The following ZNF425 variants were observed in gnomAD, a reference collection of about 807,000 sequenced individuals.
The protein encoded by ZNF425 is zinc finger protein 425.
A neutral mutation model predicts 17.0 loss-of-function variants in ZNF425; 21 were observed. The observed-to-expected ratio is 1.23, with a 90% CI of 0.88 to 1.78. The LOEUF is 1.78. ZNF425 is among the 40% of genes most tolerant of loss of function. The probability of loss-of-function intolerance (pLI) is 0.00; values close to 1 mark genes in which losing one functional copy is unlikely to be tolerated. For missense variants in ZNF425, 868 were observed against 967.3 expected, an observed-to-expected ratio of 0.90 and a Z score of 1.36; for synonymous variants, 433 against 384.1, an observed-to-expected ratio of 1.13 and a Z score of -1.49.
At position 149,105,644 on chromosome 7, in the gene ZNF425, T is replaced by TTTA. The variant is rs60932851; in HGVS notation, c.305-81_305-79dup. 10,264 of 925,536 alleles carry TTTA rather than the reference T, an allele frequency of 0.011. 802 individuals are homozygous for TTTA. The African/African-American group carries it at 0.16, about 15-fold the overall frequency. 57.3% of individuals were successfully genotyped at this position (925,536 alleles called of 1,614,324 possible). Reference sequence around the variant, plus strand: ...GGGTTCAAGGACTGTCTTTTAAAAATTTATTATTATTATTATTATTTTTTG... The same window carrying TTTA: ...GGGTTCAAGGACTGTCTTTTAAAAATTTATTATTATTATTATTATTATTTTTTG... On this transcript the variant is annotated intron_variant, in intron 3 of 3. Coordinates refer to ENST00000378061, the MANE Select transcript of ZNF425 (RefSeq NM_001001661.3).
chr7:149,109,081 CTTTTTTTTTTTT>C (rs774851748), intron 3 of ZNF425, among the ~76,000 whole-genome samples: 1 of 138,816 alleles, frequency 7.2e-6, no homozygotes, highest in Non-Finnish European at 1.6e-5. Context: ...TTTTTTCTTT[CTTTTTTTTTTTT>C]TTTGAAACGG....
At chr7:149,118,702 T>C (rs6968825) in intron 1 of ZNF425, 6,310 of 372,378 alleles carry the variant, frequency 0.017, 371 homozygotes, top group African/African-American at 0.12. Flanking sequence ...GTAGTCCCAG[T>C]TACTCAGGAA....
chr7:149,115,191 C>T (rs867729292), intron 2 of ZNF425, among the ~76,000 whole-genome samples: 2 of 144,852 alleles, frequency 1.4e-5, no homozygotes, highest in South Asian at 4.5e-4. Context: ...CTCAAGTGAT[C>T]TGTCCGCCTC....
chr7:149,110,221 G>A (rs946176913), intron 3 of ZNF425, among the ~76,000 whole-genome samples: 3 of 151,704 alleles, frequency 2.0e-5, no homozygotes, highest in South Asian at 2.1e-4. Flanking sequence ...ACACTTCCTG[G>A]CCTCAAAGTC....
In ZNF425 at chr7:149,104,888, T is replaced by G. The variant is rs368050204; in HGVS notation, c.983A>C (p.Lys328Thr). The change falls in exon 4 of 4, where the codon AAG (lysine) becomes ACG (threonine). Residue 328 changes from lysine to threonine, a missense_variant. This residue lies in a region of ZNF425 where 243 missense variants were observed against 265.2 expected (regional missense o/e 0.92). Coordinates refer to ENST00000378061, the MANE Select transcript of ZNF425 (RefSeq NM_001001661.3). The surrounding 1 kb of genome is among the most constrained non-coding windows in gnomAD (Gnocchi z 4.3). Reference sequence around the variant, plus strand: ...GTCACACTGCGGACACTGGAAGGGCTTCTCTCCGCTGTGCAGCCGCAAGTG... The same window carrying G: ...GTCACACTGCGGACACTGGAAGGGCGTCTCTCCGCTGTGCAGCCGCAAGTG... ...TEHLRLHSGEKPFQCPQCDRC... is the reference protein window; with the variant it reads ...TEHLRLHSGETPFQCPQCDRC... The G allele has an allele frequency of 1.3e-4, 203 of 1,613,626 alleles. No homozygotes were observed. Among genetic ancestry groups the G allele is most frequent in the Non-Finnish European group, 1.6e-4 (185 of 1,179,930 alleles).
chr7:149,120,074 G>A (rs1361582250), intron 1 of ZNF425, among the ~76,000 whole-genome samples: 1 of 152,018 alleles, frequency 6.6e-6, no homozygotes, highest in Non-Finnish European at 1.5e-5. Flanking sequence ...TCACAACCAC[G>A]AATCTATTAT....
chr7:149,126,169 C>A (rs766301514), intron 1 of ZNF425, 27 bp downstream of exon 1: 2 of 1,613,238 alleles, frequency 1.2e-6, no homozygotes, highest in Non-Finnish European at 8.5e-7. Flanking sequence ...TTCGACAGAG[C>A]CTGCATCCTC....
At chr7:149,122,155 T>C (rs1826367652) in intron 1 of ZNF425, among the ~76,000 whole-genome samples, 1 of 149,740 alleles carries the variant, frequency 6.7e-6, no homozygotes, top group African/African-American at 2.5e-5. Flanking sequence ...ATGGTCTCGA[T>C]CTCCTGACCT....
At chr7:149,109,277 C>T (rs1826135447) in intron 3 of ZNF425, among the ~76,000 whole-genome samples, 1 of 151,988 alleles carries the variant, frequency 6.6e-6, no homozygotes, top group Non-Finnish European at 1.5e-5. Context: ...AGGGGTTTCA[C>T]CATGTTAGCC....
rs1289699633 is a variant in ZNF425 at position 149,118,280 on chromosome 7, C to A, written c.87G>T (p.Trp29Cys). 1 of 1,614,062 alleles carries A rather than the reference C, an allele frequency of 6.2e-7. No homozygotes were observed. The highest frequency in any genetic ancestry group is 2.2e-5 in the East Asian group (1 of 44,872). ...TCTCTTGCTTATACATTTGCTTCTG[C>A]CACTTCTCCAGGATCTCCCACTCTT... ...SEQEWEILEK[W>C]QKQMYKQEMK... Residue 29 changes from tryptophan to cysteine, a missense_variant, in exon 2 of 4, where the codon TGG (tryptophan) becomes TGT (cysteine). This residue lies in a region of ZNF425 where 179 missense variants were observed against 216.3 expected (regional missense o/e 0.83). Transcript: ENST00000378061.
chr7:149,111,375 A>G (rs1296042708), intron 3 of ZNF425, among the ~76,000 whole-genome samples: 1 of 151,326 alleles, frequency 6.6e-6, no homozygotes, highest in Non-Finnish European at 1.5e-5. Flanking sequence ...ATGGATCACA[A>G]GGTCAGGAGT....
chr7:149,103,895 A>T lies in ZNF425; in HGVS notation c.1976T>A (p.Val659Asp). 6.2e-7 allele frequency: 1 copy of T among 1,613,750 alleles called. No individual in the cohort carries two copies. Among genetic ancestry groups the T allele is most frequent in the Non-Finnish European group, 8.5e-7 (1 of 1,179,960 alleles). Residue 659 changes from valine to aspartate, a missense_variant, in exon 4 of 4, where the codon GTC (valine) becomes GAC (aspartate). Physicochemically the swap from Val to Asp is radical, Grantham distance 152. This residue lies in a region of ZNF425 where 437 missense variants were observed against 444.2 expected (regional missense o/e 0.98). Transcript: ENST00000378061. ...CTGGAAGGGCTTCTCCCCGCTGTGG[A>T]CTCGAATGTGTTCTGTGAGCCGGTA... is the stretch of plus-strand genomic sequence containing the variant. ...QQYRLTEHIR[V>D]HSGEKPFQCP...
chr7:149,117,027 C>T (rs1393806741), intron 2 of ZNF425, among the ~76,000 whole-genome samples: 1 of 152,038 alleles, frequency 6.6e-6, no homozygotes, highest in African/African-American at 2.4e-5. Context: ...CTTTGGGAGG[C>T]TGAGGTGAGC....
At chr7:149,118,834 T>C (rs974139688) in intron 1 of ZNF425, 10 of 170,348 alleles carry the variant, frequency 5.9e-5, no homozygotes, top group African/African-American at 2.4e-4. Flanking sequence ...AAAAATAAAC[T>C]AAAATGAATG....
intron 2 of ZNF425, among the ~76,000 whole-genome samples, chr7:149,116,091 C>T (rs1274797353): frequency 1.3e-5 from 2 of 152,232 alleles, no homozygotes; most frequent in Non-Finnish European, 1.5e-5. Context: ...CTGCTGGCTC[C>T]TGGGCCTCGG....
rs1826125491 is a variant in ZNF425, at chr7:149,108,850, C to A, written c.305-3284G>T. The stretch of plus-strand genomic sequence containing the variant: ...GAAGTTGCAGTGAGCTGAGATTGCA[C>A]CACTGCACTCCAGTTTGGTGACATA... On this transcript the variant is annotated intron_variant, in intron 3 of 3. Coordinates refer to ENST00000378061, the MANE Select transcript of ZNF425 (RefSeq NM_001001661.3). 1.3e-5 allele frequency among the ~76,000 whole-genome samples: 2 copies of A among 152,056 alleles called. 1 individual carries two copies. Among genetic ancestry groups the A allele is most frequent in the South Asian group, 4.1e-4 (2 of 4,822 alleles).
intron 1 of ZNF425, among the ~76,000 whole-genome samples, chr7:149,122,682 G>A (rs546880610): frequency 6.1e-4 from 93 of 151,998 alleles, no homozygotes; most frequent in African/African-American, 2.1e-3. Context: ...ACATTGAGAC[G>A]TGGGTTTTTT....
intron 1 of ZNF425, 161 bp downstream of exon 1, chr7:149,126,035 A>C: frequency 7.1e-7 from 1 of 1,413,580 alleles, no homozygotes. Flanking sequence ...ACGCAGCAAG[A>C]CTGCACCTTC....
intron 3 of ZNF425, among the ~76,000 whole-genome samples, chr7:149,107,964 C>CA (rs1339221795): frequency 2.0e-5 from 3 of 151,814 alleles, no homozygotes; most frequent in African/African-American, 7.3e-5. Context: ...CTCCAGGGCT[C>CA]AAGTGATCCT....
Sources: allele counts gnomAD v4.1 joint callset (sites outside exome capture counted in the v4.1 genomes callset), GRCh38; gene constraint gnomAD v4.1.1; regional missense constraint gnomAD v4.1.1; non-coding constraint Gnocchi (gnomAD v3.1); transcripts MANE v1.5; gene names NCBI Gene and HGNC (gene_info 2026-07-23, HGNC 2026-07-21).